SAMD12: variants seen among roughly 807,000 people sequenced by gnomAD.
SAMD12 encodes sterile alpha motif domain containing 12.
A neutral mutation model predicts 15.0 loss-of-function variants in SAMD12; 9 were observed. That is an observed-to-expected ratio of 0.60 (90% CI 0.36 to 1.05). SAMD12 has a LOEUF of 1.05. SAMD12 is among the 50% of genes least tolerant of loss of function. SAMD12 has a pLI of 0.01. For missense variants in SAMD12, 230 were observed against 234.2 expected (o/e 0.98, Z 0.12); for synonymous variants, 86 against 90.1 (o/e 0.96, Z 0.25).
intron 4 of SAMD12, among the ~76,000 whole-genome samples, chr8:118,275,618 T>C (rs112067148): frequency 7.9e-5 from 12 of 152,350 alleles, no homozygotes; most frequent in African/African-American, 2.9e-4. Flanking sequence ...AGGTGTATTA[T>C]GTGATACTGA....
chr8:118,463,194 A>G (rs1302926208), intron 2 of SAMD12, among the ~76,000 whole-genome samples: 2 of 151,806 alleles, frequency 1.3e-5, no homozygotes, highest in African/African-American at 2.4e-5. Flanking sequence ...TTCTTTCCAG[A>G]CCAAGAAACT....
At chr8:118,241,730 T>TC in intron 4 of SAMD12, among the ~76,000 whole-genome samples, 1 of 152,258 alleles carries the variant, frequency 6.6e-6, no homozygotes, top group Admixed American at 6.5e-5. Context: ...CACCTACTCT[T>TC]CAAAGTTTTC....
chr8:118,476,944 T>C (rs1234989331), intron 2 of SAMD12, among the ~76,000 whole-genome samples: 1 of 152,126 alleles, frequency 6.6e-6, no homozygotes, highest in East Asian at 1.9e-4. Context: ...AGAGAGCCTA[T>C]CATGAACCGT....
At chr8:118,367,499 TCCACAGTCAAG>T (rs1818862454) in intron 4 of SAMD12, among the ~76,000 whole-genome samples, 1 of 152,160 alleles carries the variant, frequency 6.6e-6, no homozygotes, top group East Asian at 1.9e-4. Context: ...ATCCTTCAAA[TCCACAGTCAAG>T]CCACAAGGTC....
chr8:118,138,532 C>T, the SAMD12 span, among the ~76,000 whole-genome samples: 1 of 152,162 alleles, frequency 6.6e-6, no homozygotes, highest in Non-Finnish European at 1.5e-5. Context: ...AATGGGTCCC[C>T]ATCAGACACT....
At chr8:118,194,947 T>C (rs1476625468) in exon 5 of SAMD12, 3 of 152,178 alleles carry the variant, frequency 2.0e-5, no homozygotes, top group Admixed American at 6.5e-5. Flanking sequence ...AGTTGACAGT[T>C]TGGAAAAGAA....
In SAMD12 at chr8:118,621,862, T is replaced by C. The variant is rs1308434810; in HGVS notation, c.-46A>G. 6.2e-7 allele frequency: 1 copy of C among 1,605,202 alleles called. No homozygotes were observed. Among genetic ancestry groups the C allele is most frequent in the Non-Finnish European group, 8.5e-7 (1 of 1,172,012 alleles). On this transcript the variant is annotated 5_prime_UTR_variant, in exon 1 of 4. Transcript: ENST00000314727. ...GCATGCATAATTTTCTTGGCCGAGG[T>C]ACTCCTCCTGCCCCGCGCTCCCCCC...
At chr8:118,585,244 A>G (rs780309437) in intron 1 of SAMD12, among the ~76,000 whole-genome samples, 1 of 152,252 alleles carries the variant, frequency 6.6e-6, no homozygotes, top group Non-Finnish European at 1.5e-5. Flanking sequence ...AATCAAATCT[A>G]CAGAGAAAGA....
chr8:118,518,985 T>C (rs542925265), intron 2 of SAMD12, among the ~76,000 whole-genome samples: 1 of 152,298 alleles, frequency 6.6e-6, no homozygotes, highest in Non-Finnish European at 1.5e-5. Context: ...TAGCTTTGCA[T>C]GATAGGGCTA....
At chr8:118,375,128 A>G (rs1204830741), downstream of SAMD12, among the ~76,000 whole-genome samples, 3 of 152,044 alleles carry the variant, frequency 2.0e-5, no homozygotes, top group East Asian at 5.8e-4. Context: ...AGGTTTGCCA[A>G]CCTCTGTCAT....
intron 2 of SAMD12, among the ~76,000 whole-genome samples, chr8:118,497,730 G>GT (rs1333650618): frequency 2.6e-5 from 3 of 114,446 alleles, no homozygotes; most frequent in African/African-American, 1.2e-4. Context: ...TTGCGGGGGG[G>GT]GGTGGGGGGA....
rs562413054 is a variant in SAMD12, at chr8:118,485,514, T to C, written c.193-45553A>G. ...GAGATTTTATCTTTCCTCTTAATCC[T>C]TGTTCTTTCTATAAACTTCATTCTG... is the stretch of plus-strand genomic sequence containing the variant. On this transcript the variant is annotated intron_variant, in intron 2 of 3. Transcript: ENST00000314727. Among the ~76,000 whole-genome samples the C allele has an allele frequency of 5.9e-5, 9 of 152,318 alleles. No homozygotes were observed. The South Asian group carries it at 1.7e-3, about 28-fold the overall frequency.
chr8:118,475,763 C>T (rs1416035171), intron 2 of SAMD12, among the ~76,000 whole-genome samples: 1 of 152,152 alleles, frequency 6.6e-6, no homozygotes, highest in Non-Finnish European at 1.5e-5. Context: ...GTTATAGAAG[C>T]CTTTTGGGAA....
intron 2 of SAMD12, among the ~76,000 whole-genome samples, chr8:118,553,156 T>G (rs2131187891): frequency 6.6e-6 from 1 of 152,042 alleles, no homozygotes; most frequent in Middle Eastern, 3.4e-3. Flanking sequence ...ACCAATGACT[T>G]TCTTCACAGA....
chr8:118,581,050 G>T (rs1286439240), intron 1 of SAMD12, among the ~76,000 whole-genome samples, 157 bp from the exon 2 acceptor site: 1 of 152,162 alleles, frequency 6.6e-6, no homozygotes, highest in Non-Finnish European at 1.5e-5. Flanking sequence ...TGAGGAGGGA[G>T]CACGGTATAG....
chr8:118,308,879 G>A (rs1181707252), intron 4 of SAMD12, among the ~76,000 whole-genome samples: 2 of 151,910 alleles, frequency 1.3e-5, no homozygotes, highest in African/African-American at 4.8e-5. Context: ...TTTGATTATG[G>A]TCATGCTTCT....
intron 4 of SAMD12, among the ~76,000 whole-genome samples, chr8:118,205,473 T>C (rs1819836058): frequency 6.6e-6 from 1 of 152,302 alleles, no homozygotes; most frequent in South Asian, 2.1e-4. Flanking sequence ...ACTCCACAAA[T>C]GCAGAAAGCC....
chr8:118,195,287 A>G (rs1452338980), exon 5 of SAMD12: 1 of 152,238 alleles, frequency 6.6e-6, no homozygotes, highest in Non-Finnish European at 1.5e-5. Context: ...GCTAAATCTT[A>G]ATTCCCAGTT....
At chr8:118,374,121 T>C, downstream of SAMD12, among the ~76,000 whole-genome samples, 1 of 152,130 alleles carries the variant, frequency 6.6e-6, no homozygotes, top group Admixed American at 6.6e-5. Flanking sequence ...CTTGCAAAAC[T>C]GAAACTTGTA....
Sources: allele counts gnomAD v4.1 joint callset (sites outside exome capture counted in the v4.1 genomes callset), GRCh38; gene constraint gnomAD v4.1.1; transcripts MANE v1.5; gene names NCBI Gene and HGNC (gene_info 2026-07-23, HGNC 2026-07-21).